The following ATP8A2 variants were observed in gnomAD, a reference collection of about 807,000 sequenced individuals.
ATP8A2 encodes phospholipid-transporting ATPase IB.
Under a neutral mutation model 165.6 loss-of-function variants are expected in ATP8A2, and 100 were observed. The ratio of observed to expected loss-of-function variants is 0.60; its 90% CI spans 0.51 to 0.71. The LOEUF (loss-of-function observed/expected upper bound fraction) is 0.71. Among genes scored for constraint, ATP8A2 ranks in the 30% least tolerant of loss-of-function variants. The probability of loss-of-function intolerance (pLI) is 0.00; values close to 1 mark genes in which losing one functional copy is unlikely to be tolerated. For synonymous variants in ATP8A2, 543 were observed against 548.8 expected, an observed-to-expected ratio of 0.99 and a Z score of 0.15; for missense variants, 1,227 against 1,479.5, an observed-to-expected ratio of 0.83 and a Z score of 2.80.
intron 1 of ATP8A2, among the ~76,000 whole-genome samples, chr13:25,439,033 T>G (rs553165778): frequency 2.0e-5 from 3 of 152,230 alleles, no homozygotes; most frequent in Non-Finnish European, 4.4e-5. Flanking sequence ...GGAGATAAAT[T>G]CTGCTCCAGA....
chr13:25,696,749 C>A (rs2042841941), intron 24 of ATP8A2, among the ~76,000 whole-genome samples: 1 of 152,208 alleles, frequency 6.6e-6, no homozygotes, highest in African/African-American at 2.4e-5. Flanking sequence ...TCCATACCAG[C>A]AATAAGGCAG....
At chr13:25,728,172 G>A (rs188244167) in intron 25 of ATP8A2, among the ~76,000 whole-genome samples, 263 of 152,328 alleles carry the variant, frequency 1.7e-3, no homozygotes, top group Middle Eastern at 3.4e-3. Flanking sequence ...TGGAATAAAT[G>A]TAACAATATC....
chr13:25,468,820 G>A (rs1157830121), intron 1 of ATP8A2, 157 bp from the exon 2 acceptor site: 2 of 984,120 alleles, frequency 2.0e-6, no homozygotes, highest in South Asian at 9.4e-5. Flanking sequence ...ACAGGCGGCG[G>A]CGTCTCCAGG....
At position 25,630,273 on chromosome 13, in the gene ATP8A2, T is replaced by C. The variant is rs576295199; in HGVS notation, c.2211+40574T>C. ...CTTTCAATTAGTGGAAAATAATGCA[T>C]TCATAGAACAATTTATAACTCACAC... On this transcript the variant is annotated intron_variant, in intron 24 of 36. Transcript: ENST00000381655. Among the ~76,000 whole-genome samples the C allele has an allele frequency of 4.6e-5, 7 of 152,316 alleles. No individual in the cohort carries two copies. The South Asian group carries it at 1.4e-3, about 32-fold the overall frequency.
At chr13:25,900,191 T>C (rs754255668) in intron 33 of ATP8A2, among the ~76,000 whole-genome samples, 1 of 152,162 alleles carries the variant, frequency 6.6e-6, no homozygotes, top group Non-Finnish European at 1.5e-5. Flanking sequence ...GAAATACATA[T>C]TTAATGAGCT....
chr13:25,680,369 A>G (rs996693478), intron 24 of ATP8A2, among the ~76,000 whole-genome samples: 1 of 152,174 alleles, frequency 6.6e-6, no homozygotes, highest in African/African-American at 2.4e-5. Context: ...GCAGCCAGTC[A>G]CCAGAAGTGG....
intron 2 of ATP8A2, among the ~76,000 whole-genome samples, chr13:25,516,593 C>A (rs953925675): frequency 6.6e-6 from 1 of 152,060 alleles, no homozygotes; most frequent in African/African-American, 2.4e-5. Context: ...GTAATGATTC[C>A]TGTACTTGTT....
At chr13:26,015,403 G>A (rs1045933024) in intron 36 of ATP8A2, among the ~76,000 whole-genome samples, 1 of 152,078 alleles carries the variant, frequency 6.6e-6, no homozygotes, top group Non-Finnish European at 1.5e-5. Context: ...TAGTTCCTGT[G>A]AGCCACCAAC....
intron 24 of ATP8A2, among the ~76,000 whole-genome samples, chr13:25,624,891 G>T (rs1216726160): frequency 2.0e-5 from 3 of 152,180 alleles, no homozygotes; most frequent in Non-Finnish European, 4.4e-5. Flanking sequence ...TCCATCTGCA[G>T]ATGTGTGTTG....
At chr13:25,613,353 C>T (rs1378950016) in intron 24 of ATP8A2, among the ~76,000 whole-genome samples, 1 of 152,090 alleles carries the variant, frequency 6.6e-6, no homozygotes, top group East Asian at 1.9e-4. Flanking sequence ...AAGACCAAGG[C>T]AGGCGGGGTC....
At chr13:25,949,147 T>C (rs928073594) in intron 33 of ATP8A2, among the ~76,000 whole-genome samples, 3 of 152,226 alleles carry the variant, frequency 2.0e-5, no homozygotes, top group Admixed American at 2.0e-4. Flanking sequence ...GTTCAGGTAG[T>C]GCAGCCAGCA....
At chr13:25,453,057 G>A (rs2035270481) in intron 1 of ATP8A2, among the ~76,000 whole-genome samples, 1 of 151,970 alleles carries the variant, frequency 6.6e-6, no homozygotes, top group Non-Finnish European at 1.5e-5. Context: ...TCACACCACT[G>A]CACTCCAGCC....
At chr13:26,015,803 C>T (rs924928673) in intron 36 of ATP8A2, among the ~76,000 whole-genome samples, 1 of 152,184 alleles carries the variant, frequency 6.6e-6, no homozygotes, top group Non-Finnish European at 1.5e-5. Context: ...CCTCCAGGCC[C>T]CCATCAGGAC....
intron 1 of ATP8A2, among the ~76,000 whole-genome samples, chr13:25,378,353 ATTT>A (rs58118663): frequency 6.8e-5 from 10 of 148,082 alleles, no homozygotes; most frequent in African/African-American, 2.5e-4. Flanking sequence ...AGAGTTTTGC[ATTT>A]TTTTTTTTGT....
intron 33 of ATP8A2, among the ~76,000 whole-genome samples, chr13:25,902,168 A>G (rs1168061724): frequency 1.3e-5 from 2 of 152,210 alleles, no homozygotes; most frequent in Non-Finnish European, 2.9e-5. Flanking sequence ...CAACAGATCT[A>G]CAGGAAACCA....
chr13:25,617,164 G>A (rs530172006), intron 24 of ATP8A2, among the ~76,000 whole-genome samples: 10 of 152,302 alleles, frequency 6.6e-5, no homozygotes, highest in Non-Finnish European at 1.3e-4. Context: ...CACTGCACTT[G>A]CATGAAAACA....
At chr13:25,560,593 G>A (rs61197834) in intron 15 of ATP8A2, among the ~76,000 whole-genome samples, 2 of 149,878 alleles carry the variant, frequency 1.3e-5, no homozygotes, top group Admixed American at 6.7e-5. Context: ...TCAGCTACTC[G>A]GGAGGCTGAG....
chr13:25,565,439 T>C (rs1042449862), intron 16 of ATP8A2, among the ~76,000 whole-genome samples: 5 of 152,204 alleles, frequency 3.3e-5, no homozygotes, highest in Non-Finnish European at 7.3e-5. Flanking sequence ...AGTAAGGTGG[T>C]ATTGCGTTGT....
Position 26,025,116 on chromosome 13 carries a change from C to CAAAAAAAAAAAAA in ATP8A2, c.*5140_*5152dup, listed in dbSNP as rs71080217. The CAAAAAAAAAAAAA allele has an allele frequency of 2.5e-4, 24 of 94,710 alleles. No homozygotes were observed. The highest frequency in any genetic ancestry group is 4.1e-4 in the African/African-American group (10 of 24,516). The allele number at this position is 94,710 out of a possible 1,614,324, so 5.9% of individuals were successfully genotyped here. ...GTGAATCAATAAACACCAACAACAA[C>CAAAAAAAAAAAAA]AAAAAAAAAAAAAAAAAAAAAGGAA... On this transcript the variant is annotated 3_prime_UTR_variant, in exon 37 of 37. Transcript: ENST00000381655.
Sources: allele counts gnomAD v4.1 joint callset (sites outside exome capture counted in the v4.1 genomes callset), GRCh38; gene constraint gnomAD v4.1.1; transcripts MANE v1.5; gene names NCBI Gene and HGNC (gene_info 2026-07-23, HGNC 2026-07-21).